The following SUCO variants were observed in gnomAD, a reference collection of about 807,000 sequenced individuals.
SUCO encodes the protein SUN domain containing ossification factor.
Under a neutral mutation model 148.1 loss-of-function variants are expected in SUCO, and 57 were observed. The ratio of observed to expected loss-of-function variants is 0.38; its 90% confidence interval spans 0.31 to 0.48. The LOEUF (loss-of-function observed/expected upper bound fraction) is 0.48. Ranked by LOEUF, SUCO falls within the 20% of genes least tolerant of loss-of-function variation. The pLI, the probability that SUCO is intolerant of heterozygous loss-of-function variation, is 0.96. For synonymous variants in SUCO, 470 were observed against 502.7 expected, an observed-to-expected ratio of 0.93 and a Z score of 0.87; for missense variants, 1,331 against 1,468.2, an observed-to-expected ratio of 0.91 and a Z score of 1.53.
At chr1:172,554,899 G>A (rs911363791) in intron 3 of SUCO, among the ~76,000 whole-genome samples, 22 of 151,602 alleles carry the variant, frequency 1.5e-4, no homozygotes, top group South Asian at 2.1e-4. Context: ...TGAATTTCTC[G>A]GTGTAAATAA....
At chr1:172,589,999 T>G (rs1490095309) in intron 18 of SUCO, 73 bp downstream of exon 18, 2 of 1,227,860 alleles carry the variant, frequency 1.6e-6, no homozygotes, top group Admixed American at 2.6e-5. Context: ...GACCTGTGAT[T>G]ACAGGAGAGG....
At chr1:172,600,870 C>T (rs1162124523) in intron 20 of SUCO, among the ~76,000 whole-genome samples, 1 of 151,982 alleles carries the variant, frequency 6.6e-6, no homozygotes, top group East Asian at 1.9e-4. Flanking sequence ...CTGTTTCTAG[C>T]AGAACTAGGG....
chr1:172,570,924 G>A lies in SUCO; in HGVS notation c.1049+194G>A, dbSNP rs1457137601. 1.7e-5 allele frequency: 8 copies of A among 477,520 alleles called. 1 individual carries two copies. The Admixed American group carries it at 3.0e-4, about 18-fold the overall frequency. The allele number at this position is 477,520 out of a possible 1,614,324, so 29.6% of individuals were successfully genotyped here. A position where few individuals can be genotyped will look rare whatever the true frequency, so the allele number is the denominator to read the frequency against. The stretch of plus-strand genomic sequence containing the variant: ...AGGTCACAAAAAGCAAAAAATGGCA[G>A]ATCTGGTTAAACAATTATGAAATGG... On this transcript the variant is annotated intron_variant, in intron 9 of 23. Coordinates refer to ENST00000263688, the MANE Select transcript of SUCO (RefSeq NM_014283.5).
At chr1:172,551,394 ATCTG>A (rs1653284676) in intron 1 of SUCO, 114 bp from the exon 2 acceptor site, 13 of 559,474 alleles carry the variant, frequency 2.3e-5, no homozygotes, top group Non-Finnish European at 3.8e-5. Flanking sequence ...GATAGGAACC[ATCTG>A]TCTGTTTATC....
chr1:172,568,214 T>C (rs910085402), intron 6 of SUCO: 7 of 755,366 alleles, frequency 9.3e-6, no homozygotes, highest in Non-Finnish European at 1.1e-5. Flanking sequence ...GGACCACTGA[T>C]TTATATGATA....
chr1:172,609,289 T>C lies in SUCO; in HGVS notation c.3321+487T>C, dbSNP rs938263150. ...TTTTTGGCTTCAAAGTCTTTGCTTT[T>C]TCATTTTGCCTTTCAAATTAAGTTA... On this transcript the variant is annotated intron_variant, in intron 23 of 23. Transcript: ENST00000263688. 6 of 985,024 alleles carry C rather than the reference T, an allele frequency of 6.1e-6. No individual in the cohort carries two copies. The African/African-American group carries it at 1.1e-4, about 17-fold the overall frequency. 61.0% of individuals were successfully genotyped at this position (985,024 alleles called of 1,614,324 possible).
intron 1 of SUCO, among the ~76,000 whole-genome samples, chr1:172,549,939 T>A (rs1362816952): frequency 1.3e-5 from 2 of 151,240 alleles, no homozygotes; most frequent in Non-Finnish European, 3.0e-5. Context: ...AAGCAGTAGG[T>A]TTAAGAAAAG....
chr1:172,585,178 T>C, intron 16 of SUCO, 92 bp downstream of exon 16: 3 of 1,029,704 alleles, frequency 2.9e-6, no homozygotes, highest in Non-Finnish European at 2.8e-6. Flanking sequence ...GAAAATTTGA[T>C]TGTTTACATT....
chr1:172,551,647 A>G (rs747084478), intron 2 of SUCO, 21 bp downstream of exon 2: 35 of 1,474,666 alleles, frequency 2.4e-5, no homozygotes, highest in Non-Finnish European at 3.2e-5. Context: ...TAAAGTTAAC[A>G]TTATAATTTG....
upstream of SUCO, chr1:172,533,034 C>T: frequency 7.0e-7 from 1 of 1,433,418 alleles, no homozygotes; most frequent in Non-Finnish European, 9.1e-7. Flanking sequence ...CCCTTTCCAG[C>T]TCAGCGGTGT....
intron 1 of SUCO, among the ~76,000 whole-genome samples, chr1:172,549,727 A>G (rs1045807124): frequency 6.6e-6 from 1 of 151,884 alleles, no homozygotes; most frequent in Non-Finnish European, 1.5e-5. Flanking sequence ...GTAAGAATGA[A>G]TTGATTTCTC....
rs1043437291 is a variant in SUCO, at chr1:172,578,196, C to T, written c.1341-102C>T. 4.7e-6 allele frequency: 4 copies of T among 859,764 alleles called. No homozygotes were observed. The East Asian group carries it at 1.0e-4, about 22-fold the overall frequency. The allele number at this position is 859,764 out of a possible 1,614,324, so 53.3% of individuals were successfully genotyped here. On this transcript the variant is annotated intron_variant, in intron 13 of 23. Coordinates refer to ENST00000263688, the MANE Select transcript of SUCO (RefSeq NM_014283.5). Reference sequence around the variant, plus strand: ...ATTTTTGAGTCCAAAAGCCAGTGGCCCTCAAAATATGACCAAAGTTGATGT... The same window carrying T: ...ATTTTTGAGTCCAAAAGCCAGTGGCTCTCAAAATATGACCAAAGTTGATGT...
intron 22 of SUCO, among the ~76,000 whole-genome samples, chr1:172,607,653 C>G (rs1367001051): frequency 5.9e-5 from 9 of 151,388 alleles, no homozygotes; most frequent in Non-Finnish European, 4.4e-5. Flanking sequence ...CTTTTCAATG[C>G]TTTTAGTGAT....
chr1:172,533,024 C>T, upstream of SUCO: 2 of 1,429,690 alleles, frequency 1.4e-6, no homozygotes, highest in East Asian at 2.5e-5. Context: ...GGTGACGCGT[C>T]CCTTTCCAGC....
At chr1:172,553,178 G>GAA (rs34585959) in intron 2 of SUCO, 82 bp from the exon 3 acceptor site, 1 of 1,378,460 alleles carries the variant, frequency 7.3e-7, no homozygotes, top group African/African-American at 1.5e-5. Flanking sequence ...TTAAAGTATG[G>GAA]AAAAAAACCA....
chr1:172,558,307 C>G (rs182429345), intron 6 of SUCO, among the ~76,000 whole-genome samples: 5 of 152,276 alleles, frequency 3.3e-5, no homozygotes, highest in Admixed American at 3.3e-4. Flanking sequence ...CACAGTGGAA[C>G]AGTTTTACTT....
intron 3 of SUCO, chr1:172,555,336 A>G: frequency 1.0e-5 from 10 of 977,758 alleles, no homozygotes; most frequent in Non-Finnish European, 1.2e-5. Flanking sequence ...AGGTTTTCAA[A>G]TATGAACAGG....
intron 23 of SUCO, 109 bp from the exon 24 acceptor site, chr1:172,609,707 T>C: frequency 1.3e-6 from 2 of 1,482,278 alleles, no homozygotes; most frequent in Non-Finnish European, 1.8e-6. Context: ...TAATACTGTT[T>C]TACTTTTCAC....
intron 10 of SUCO, among the ~76,000 whole-genome samples, chr1:172,574,319 G>A (rs189956698): frequency 9.9e-4 from 150 of 152,176 alleles, no homozygotes; most frequent in South Asian, 8.1e-3. Context: ...CTACAACTCT[G>A]ACTTCAAAGT....
Sources: allele counts gnomAD v4.1 joint callset (sites outside exome capture counted in the v4.1 genomes callset), GRCh38; gene constraint gnomAD v4.1.1; transcripts MANE v1.5; gene names NCBI Gene and HGNC (gene_info 2026-07-23, HGNC 2026-07-21).